Variants in RGS6 observed in about 807,000 individuals in gnomAD.
RGS6 encodes regulator of G-protein signaling 6.
RGS6 carries 30 observed loss-of-function variants against 78.5 expected under a neutral mutation model. That is an observed-to-expected ratio of 0.38 (90% CI 0.29 to 0.52). The LOEUF is 0.52. Ranked by LOEUF, RGS6 falls within the 20% of genes least tolerant of loss-of-function variation. The pLI is 0.85. For synonymous variants in RGS6, 206 were observed against 206.0 expected (o/e 1.00, Z 0.00); for missense variants, 495 against 609.7 (o/e 0.81, Z 1.98).
chr14:72,039,683 A>G (rs1404337291), intron 2 of RGS6, among the ~76,000 whole-genome samples: 2 of 152,032 alleles, frequency 1.3e-5, no homozygotes, highest in East Asian at 1.9e-4. Context: ...ATCCATTTAC[A>G]TTGAAGCAAT....
intron 2 of RGS6, among the ~76,000 whole-genome samples, chr14:72,208,260 A>G (rs2043167678): frequency 6.6e-6 from 1 of 152,338 alleles, no homozygotes; most frequent in East Asian, 1.9e-4. Flanking sequence ...GAGACATTGC[A>G]GATGGAAGCC....
intron 2 of RGS6, among the ~76,000 whole-genome samples, chr14:72,121,078 C>T (rs114934513): frequency 2.9e-3 from 438 of 152,194 alleles, no homozygotes; most frequent in African/African-American, 7.0e-3. Flanking sequence ...CTCTTTTAAC[C>T]GCATCTCTCT....
the RGS6 span, among the ~76,000 whole-genome samples, chr14:71,910,338 G>T: frequency 2.6e-5 from 4 of 152,120 alleles, no homozygotes; most frequent in African/African-American, 7.2e-5. Context: ...ATCTACAAAC[G>T]AGCCTTGCTC....
chr14:72,040,448 G>A (rs1215571986), intron 2 of RGS6, among the ~76,000 whole-genome samples: 1 of 151,666 alleles, frequency 6.6e-6, no homozygotes, highest in Non-Finnish European at 1.5e-5. Flanking sequence ...CTTCCTTCTG[G>A]CGTATAAACT....
At chr14:72,570,784 T>C (rs2097719370), downstream of RGS6, among the ~76,000 whole-genome samples, 1 of 152,222 alleles carries the variant, frequency 6.6e-6, no homozygotes, top group Non-Finnish European at 1.5e-5. Flanking sequence ...GAGATCTAAA[T>C]ATTCACAAGT....
intron 2 of RGS6, among the ~76,000 whole-genome samples, chr14:72,220,253 T>C (rs2046546584): frequency 1.3e-5 from 2 of 152,184 alleles, no homozygotes; most frequent in Non-Finnish European, 2.9e-5. Flanking sequence ...TTGAAAAACA[T>C]TCCACATGAA....
intron 2 of RGS6, among the ~76,000 whole-genome samples, chr14:72,091,262 A>G (rs10139253): frequency 0.87 from 132,138 of 151,920 alleles, 57,811 homozygotes; most frequent in Admixed American, 0.93. Flanking sequence ...GCCTTTGCTT[A>G]TGCTCTCTGC....
At chr14:72,238,553 T>G (rs2051820918) in intron 2 of RGS6, among the ~76,000 whole-genome samples, 1 of 152,212 alleles carries the variant, frequency 6.6e-6, no homozygotes, top group Non-Finnish European at 1.5e-5. Flanking sequence ...TTTAAGCTCC[T>G]GGTCATCAGA....
chr14:72,305,972 A>G (rs1269655278), intron 2 of RGS6, among the ~76,000 whole-genome samples: 1 of 152,242 alleles, frequency 6.6e-6, no homozygotes, highest in Non-Finnish European at 1.5e-5. Context: ...CAGGAATGAT[A>G]AGAAAGCAAA....
intron 2 of RGS6, among the ~76,000 whole-genome samples, chr14:72,234,839 C>T (rs1477125336): frequency 6.6e-6 from 1 of 152,062 alleles, no homozygotes; most frequent in Non-Finnish European, 1.5e-5. Flanking sequence ...CATCTCACCA[C>T]TTTATTTCGT....
intron 5 of RGS6, 35 bp from the exon 6 acceptor site, chr14:72,459,597 C>A: frequency 6.2e-7 from 1 of 1,611,442 alleles, no homozygotes; most frequent in Non-Finnish European, 8.5e-7. Context: ...AGGCATGGCG[C>A]GCCCCTGAGC....
Position 72,067,511 on chromosome 14 carries a change from T to G in RGS6, c.84+102636T>G, listed in dbSNP as rs1396988320. 2.0e-5 allele frequency among the ~76,000 whole-genome samples: 3 copies of G among 151,944 alleles called. No individual in the cohort carries two copies. The East Asian group carries it at 5.8e-4, about 29-fold the overall frequency. ...AAAGATTTTTTGGAGTTTAGAAAAATAATACATTTGGATTTAGCAGGGTTT... is the reference window on the plus strand; with the variant it reads ...AAAGATTTTTTGGAGTTTAGAAAAAGAATACATTTGGATTTAGCAGGGTTT... On this transcript the variant is annotated intron_variant, in intron 2 of 17. Coordinates refer to ENST00000553525, the MANE Select transcript of RGS6 (RefSeq NM_001204424.2).
chr14:72,005,121 T>C (rs1028583823), intron 2 of RGS6, among the ~76,000 whole-genome samples: 5 of 152,198 alleles, frequency 3.3e-5, no homozygotes, highest in Non-Finnish European at 7.3e-5. Flanking sequence ...AAAATATTGG[T>C]TAAATAAGTT....
rs113956878 is a variant in RGS6, at chr14:72,339,764, GA to G, written c.85-12330del. ...AGCAGAGCCTGAGCTGGTGTGTTCG[GA>G]GGCAGCATTAAAAATCAGCAGGAAA... On this transcript the variant is annotated intron_variant, in intron 2 of 17. Coordinates refer to ENST00000553525, the MANE Select transcript of RGS6 (RefSeq NM_001204424.2). 2.5e-3 allele frequency among the ~76,000 whole-genome samples: 385 copies of G among 152,246 alleles called. 2 individuals are homozygous for G. Among genetic ancestry groups the G allele is most frequent in the African/African-American group, 9.0e-3 (374 of 41,532 alleles).
At chr14:72,186,524 T>C (rs2153708667) in intron 2 of RGS6, among the ~76,000 whole-genome samples, 1 of 152,250 alleles carries the variant, frequency 6.6e-6, no homozygotes, top group South Asian at 2.1e-4. Context: ...AGAACTTCGG[T>C]CTAATTGGCC....
At chr14:72,159,469 A>C (rs917609318) in intron 2 of RGS6, among the ~76,000 whole-genome samples, 1 of 151,620 alleles carries the variant, frequency 6.6e-6, no homozygotes, top group Admixed American at 6.5e-5. Context: ...CTCTCAGTCA[A>C]TTGTGATCTG....
intron 5 of RGS6, among the ~76,000 whole-genome samples, chr14:72,459,303 A>G (rs972762159): frequency 6.6e-6 from 1 of 152,142 alleles, no homozygotes; most frequent in African/African-American, 2.4e-5. Flanking sequence ...TAAAGGGAGG[A>G]AAGGAACATG....
At chr14:72,464,772 AG>A (rs1363790063) in intron 6 of RGS6, 2 of 152,264 alleles carry the variant, frequency 1.3e-5, no homozygotes, top group Non-Finnish European at 2.9e-5. Flanking sequence ...CAGGGAAACC[AG>A]GGGCCAAGAA....
At chr14:72,135,034 G>C (rs534969189) in intron 2 of RGS6, among the ~76,000 whole-genome samples, 75 of 152,218 alleles carry the variant, frequency 4.9e-4, no homozygotes, top group Middle Eastern at 3.4e-3. Flanking sequence ...AGACATTTGG[G>C]TATCCCTTAA....
Sources: allele counts gnomAD v4.1 joint callset (sites outside exome capture counted in the v4.1 genomes callset), GRCh38; gene constraint gnomAD v4.1.1; transcripts MANE v1.5; gene names NCBI Gene and HGNC (gene_info 2026-07-23, HGNC 2026-07-21).